IQCE: variants seen among roughly 807,000 people sequenced by gnomAD.
IQCE encodes the protein IQ domain-containing protein E.
IQCE carries 115 observed loss-of-function variants against 96.0 expected under a neutral mutation model. The ratio of observed to expected loss-of-function variants is 1.20; its 90% CI spans 1.03 to 1.40. IQCE has a LOEUF of 1.40. Ranked by LOEUF, IQCE falls within the 40% of genes most tolerant of loss-of-function variation. IQCE has a pLI of 0.00. For synonymous variants in IQCE, 412 were observed against 371.2 expected, an observed-to-expected ratio of 1.11 and a Z score of -1.26; for missense variants, 1,041 against 909.1, an observed-to-expected ratio of 1.15 and a Z score of -1.87.
At chr7:2,596,029 A>G (rs1784010810) in intron 16 of IQCE, among the ~76,000 whole-genome samples, 1 of 152,268 alleles carries the variant, frequency 6.6e-6, no homozygotes, top group Non-Finnish European at 1.5e-5. Flanking sequence ...GGCAGATGTG[A>G]GCCCATGCAT....
At chr7:2,599,244 T>C (rs1324350156) in intron 17 of IQCE, among the ~76,000 whole-genome samples, 1 of 152,224 alleles carries the variant, frequency 6.6e-6, no homozygotes, top group Non-Finnish European at 1.5e-5. Context: ...TTGTCCAGGC[T>C]GGAGTGCAAT....
intron 19 of IQCE, 53 bp downstream of exon 19, chr7:2,605,044 C>G: frequency 1.6e-6 from 2 of 1,285,928 alleles, no homozygotes; most frequent in Non-Finnish European, 1.1e-6. Flanking sequence ...CTGCTCGTCT[C>G]GCACTCCATC....
chr7:2,589,694 G>T (rs1783425719), intron 13 of IQCE, among the ~76,000 whole-genome samples: 1 of 152,100 alleles, frequency 6.6e-6, no homozygotes, highest in Non-Finnish European at 1.5e-5. Context: ...GTCTGCGCGT[G>T]CCTCACTTCT....
At position 2,572,140 on chromosome 7, in the gene IQCE, C is replaced by T. The variant is rs1166508753; in HGVS notation, c.260-52C>T. 7.1e-6 allele frequency: 11 copies of T among 1,554,456 alleles called. No homozygotes were observed. In the East Asian group the frequency reaches 2.3e-4, roughly 32 times the overall value. On this transcript the variant is annotated intron_variant, in intron 4 of 21. Transcript: ENST00000402050. Reference sequence around the variant, plus strand: ...GAAAGTTGATTAGAAACAAAACCTCCCATTGTGTGTGCTTGTATCTGTCAT... The same window carrying T: ...GAAAGTTGATTAGAAACAAAACCTCTCATTGTGTGTGCTTGTATCTGTCAT...
At chr7:2,569,118 G>A in intron 3 of IQCE, 119 bp downstream of exon 3, 4 of 930,812 alleles carry the variant, frequency 4.3e-6, no homozygotes, top group Non-Finnish European at 5.0e-6. Flanking sequence ...CAGCCAGTTG[G>A]CCCCATTCCC....
At position 2,582,573 on chromosome 7, in the gene IQCE, C is replaced by T. The variant is rs200993165; in HGVS notation, c.631-7C>T. On this transcript the variant is annotated splice_region_variant and splice_polypyrimidine_tract_variant and intron_variant, in intron 8 of 21. Coordinates refer to ENST00000402050, the MANE Select transcript of IQCE (RefSeq NM_152558.5). Reference sequence around the variant, plus strand: ...TGGCCTGCCTGATGGGCACGTTCCCCGGGCAGGTCATTAACGGGCTGAAGC... The same window carrying T: ...TGGCCTGCCTGATGGGCACGTTCCCTGGGCAGGTCATTAACGGGCTGAAGC... 94 of 1,613,570 alleles carry T rather than the reference C, an allele frequency of 5.8e-5. No individual in the cohort carries two copies. In the Middle Eastern group the frequency reaches 8.2e-4, roughly 14 times the overall value.
chr7:2,583,588 C>G, intron 9 of IQCE, 49 bp from the exon 10 acceptor site: 1 of 1,422,306 alleles, frequency 7.0e-7, no homozygotes, highest in Non-Finnish European at 9.8e-7. Flanking sequence ...TTGCTCTGTC[C>G]CCTGGGAACG....
At position 2,578,903 on chromosome 7, in the gene IQCE, A is replaced by C. The variant is rs1027469047; in HGVS notation, c.630+377A>C. 5.3e-5 allele frequency among the ~76,000 whole-genome samples: 8 copies of C among 152,196 alleles called. No individual in the cohort carries two copies. In the South Asian group the frequency reaches 8.3e-4, roughly 16 times the overall value. ...TTGTGAAACCCTGTCTCTACTAAAA[A>C]TACAAAAAAGCCGGGTATGGCAGCA... is the stretch of plus-strand genomic sequence containing the variant. On this transcript the variant is annotated intron_variant, in intron 8 of 21. Transcript: ENST00000402050.
At chr7:2,561,753 C>G (rs1242787004) in intron 1 of IQCE, among the ~76,000 whole-genome samples, 1 of 152,300 alleles carries the variant, frequency 6.6e-6, no homozygotes, top group East Asian at 1.9e-4. Context: ...ATCTCATATC[C>G]TGCAAACTTG....
At position 2,559,488 on chromosome 7, in the gene IQCE, A is replaced by C. The variant is rs527456906; in HGVS notation, c.36+271A>C. The C allele has an allele frequency of 2.3e-3, 546 of 239,778 alleles. 4 individuals carry two copies. The highest frequency in any genetic ancestry group is 0.012 in the African/African-American group (517 of 43,578). 14.9% of individuals were successfully genotyped at this position (239,778 alleles called of 1,614,324 possible). On this transcript the variant is annotated intron_variant, in intron 1 of 21. Coordinates refer to ENST00000402050, the MANE Select transcript of IQCE (RefSeq NM_152558.5). ...GCGCCCTCGCCTCTGGGCGCCTGCGAGTCTGCGGCCCGCAGGTGACGGAGC... is the reference window on the plus strand; with the variant it reads ...GCGCCCTCGCCTCTGGGCGCCTGCGCGTCTGCGGCCCGCAGGTGACGGAGC...
chr7:2,575,306 C>T (rs1583416461), intron 6 of IQCE, among the ~76,000 whole-genome samples: 1 of 152,220 alleles, frequency 6.6e-6, no homozygotes, highest in South Asian at 2.1e-4. Context: ...ATCATCGACA[C>T]CTGCACCGGG....
At chr7:2,596,971 C>T (rs950590787) in intron 16 of IQCE, 2 of 471,128 alleles carry the variant, frequency 4.2e-6, no homozygotes, top group African/African-American at 4.0e-5. Flanking sequence ...TTAAGATGTG[C>T]AGACACCCAA....
At chr7:2,571,349 A>G in intron 3 of IQCE, 177 bp from the exon 4 acceptor site, 1 of 723,056 alleles carries the variant, frequency 1.4e-6, no homozygotes, top group Non-Finnish European at 2.3e-6. Context: ...AATAAAAGTT[A>G]AAGGAGAAAT....
intron 12 of IQCE, 81 bp from the exon 13 acceptor site, chr7:2,587,741 C>A: frequency 7.4e-7 from 1 of 1,347,802 alleles, no homozygotes; most frequent in Non-Finnish European, 1.1e-6. Context: ...GGAAGAGGAG[C>A]CTCAGGCCAT....
chr7:2,564,832 T>C (rs1414624252), intron 1 of IQCE, among the ~76,000 whole-genome samples: 2 of 152,158 alleles, frequency 1.3e-5, no homozygotes, highest in Admixed American at 6.6e-5. Flanking sequence ...TGATCAAGTT[T>C]TTCTAACTCC....
Position 2,610,025 on chromosome 7 carries a change from C to CT in IQCE, c.1970-18dup. On this transcript the variant is annotated intron_variant, in intron 21 of 21. Coordinates refer to ENST00000402050, the MANE Select transcript of IQCE (RefSeq NM_152558.5). Reference sequence around the variant, plus strand: ...AGGTCAGCGTGGCTGACCCCTCTCCCTGTGGTTCATTTCTGCAGACCCCTC... The same window carrying CT: ...AGGTCAGCGTGGCTGACCCCTCTCCCTTGTGGTTCATTTCTGCAGACCCCTC... 7.2e-7 allele frequency: 1 copy of CT among 1,397,584 alleles called. No individual in the cohort carries two copies. Among genetic ancestry groups the CT allele is most frequent in the Non-Finnish European group, 1.0e-6 (1 of 982,412 alleles). 86.6% of individuals were successfully genotyped at this position (1,397,584 alleles called of 1,614,324 possible). A position where few individuals can be genotyped will look rare whatever the true frequency, so the allele number is the denominator to read the frequency against.
intron 1 of IQCE, among the ~76,000 whole-genome samples, chr7:2,560,011 T>A (rs1780822561): frequency 6.6e-6 from 1 of 152,000 alleles, no homozygotes; most frequent in African/African-American, 2.4e-5. Context: ...ACCATCACAT[T>A]AGCCGAGCTG....
chr7:2,608,337 C>T (rs1039394566), intron 21 of IQCE, among the ~76,000 whole-genome samples: 1 of 152,222 alleles, frequency 6.6e-6, no homozygotes, highest in Non-Finnish European at 1.5e-5. Context: ...AGCCTTCCCT[C>T]CCCAGGGGGT....
Position 2,604,928 on chromosome 7 carries a change from A to G in IQCE, c.1680A>G (p.Thr560=). 1 of 1,613,776 alleles carries G rather than the reference A, an allele frequency of 6.2e-7. No homozygotes were observed. The highest frequency in any genetic ancestry group is 8.5e-7 in the Non-Finnish European group (1 of 1,179,986). The part of the protein sequence containing the change: ...QAAFRGHLTR[T]KLLASKAHGS... ...CTTTCAGGGGACATCTCACGCGGACAAAGCTCTTAGCAAGCAAAGCACATG... is the reference window on the plus strand; with the variant it reads ...CTTTCAGGGGACATCTCACGCGGACGAAGCTCTTAGCAAGCAAAGCACATG... The change falls in exon 19 of 22, where the codon ACA becomes ACG. Residue 560 remains threonine (T), a synonymous_variant. Coordinates refer to ENST00000402050, the MANE Select transcript of IQCE (RefSeq NM_152558.5).
Sources: gnomAD v4.1 joint callset for allele counts (sites outside exome capture counted in the v4.1 genomes callset) on GRCh38, gnomAD v4.1.1 for gene constraint, MANE v1.5 for transcripts, NCBI Gene and HGNC (gene_info 2026-07-23, HGNC 2026-07-21) for gene names.